Variants in STK33 observed in about 807,000 individuals in gnomAD.
STK33 encodes serine/threonine-protein kinase 33.
In STK33, 52 loss-of-function variants were observed where a neutral mutation model predicts 58.0. That is an observed-to-expected ratio of 0.90 (90% CI 0.72 to 1.13). The LOEUF (loss-of-function observed/expected upper bound fraction) is 1.13, where lower values mean the gene tolerates loss of function less well. Among genes scored for constraint, STK33 ranks in the 50% most tolerant of loss-of-function variants. The pLI, the probability that STK33 is intolerant of heterozygous loss-of-function variation, is 0.00. For missense variants in STK33, 630 were observed against 604.2 expected (o/e 1.04, Z -0.45); for synonymous variants, 215 against 200.1 (o/e 1.07, Z -0.63).
In STK33 at chr11:8,464,770, A is replaced by G. The variant is rs773972171; in HGVS notation, c.392T>C (p.Ile131Thr). ...TTCTGTTTCCTTGTCTGTCGCTTCA[A>G]TGACTATTCCAAAGCTCCCTTTTCC... ...ILGKGSFGIV[I>T]EATDKETETK... Residue 131 changes from isoleucine (I) to threonine (T), a missense_variant, in exon 7 of 16, where the codon ATT becomes ACT. Physicochemically the swap from Ile to Thr is moderately conservative, Grantham distance 89. Transcript: ENST00000687296. 4.3e-6 allele frequency: 7 copies of G among 1,613,652 alleles called. No individual in the cohort carries two copies. In the South Asian group the frequency reaches 5.5e-5, roughly 13 times the overall value.
intron 15 of STK33, among the ~76,000 whole-genome samples, chr11:8,404,826 G>A (rs901233350): frequency 1.3e-5 from 2 of 152,194 alleles, no homozygotes; most frequent in Non-Finnish European, 2.9e-5. Flanking sequence ...TGGATAAATG[G>A]TAAATGAATG....
intron 1 of STK33, among the ~76,000 whole-genome samples, chr11:8,588,594 T>C (rs2032094898): frequency 1.3e-5 from 2 of 152,348 alleles, no homozygotes; most frequent in South Asian, 2.1e-4. Flanking sequence ...AACATAGTGG[T>C]AAATCTTTAT....
chr11:8,484,193 T>C (rs931156526), intron 1 of STK33, among the ~76,000 whole-genome samples: 1 of 152,180 alleles, frequency 6.6e-6, no homozygotes, highest in African/African-American at 2.4e-5. Context: ...CCCCCACATA[T>C]GCAACATGTA....
At chr11:8,585,304 A>G (rs1267386956) in intron 1 of STK33, among the ~76,000 whole-genome samples, 3 of 145,288 alleles carry the variant, frequency 2.1e-5, no homozygotes, top group African/African-American at 7.8e-5. Context: ...GGCTCACTAC[A>G]ACCTCTGCCT....
At chr11:8,501,369 G>T (rs1951502231) in intron 1 of STK33, among the ~76,000 whole-genome samples, 1 of 151,998 alleles carries the variant, frequency 6.6e-6, no homozygotes, top group Non-Finnish European at 1.5e-5. Context: ...ATTTTAAAAT[G>T]GGCAAAGAAT....
At chr11:8,498,306 G>C (rs1403448201) in intron 1 of STK33, among the ~76,000 whole-genome samples, 1 of 152,092 alleles carries the variant, frequency 6.6e-6, no homozygotes, top group Non-Finnish European at 1.5e-5. Context: ...CAGACAAACA[G>C]AGAGCCAAAT....
In STK33 at chr11:8,456,987, A is replaced by C. The variant is rs181050526; in HGVS notation, c.697+354T>G. Among the ~76,000 whole-genome samples the C allele has an allele frequency of 1.6e-3, 244 of 152,298 alleles. 1 individual carries two copies. The highest frequency in any genetic ancestry group is 5.7e-3 in the African/African-American group (235 of 41,562). On this transcript the variant is annotated intron_variant, in intron 9 of 15. Transcript: ENST00000687296. Reference sequence around the variant, plus strand: ...TGCTGTGAATCTAAAACTGCTCTAAAATAAAGTCTACAAAGACAAAAAAAT... The same window carrying C: ...TGCTGTGAATCTAAAACTGCTCTAACATAAAGTCTACAAAGACAAAAAAAT...
intron 1 of STK33, among the ~76,000 whole-genome samples, chr11:8,532,321 T>G (rs913428224): frequency 6.6e-6 from 1 of 152,244 alleles, no homozygotes; most frequent in African/African-American, 2.4e-5. Context: ...AAATAAAGTT[T>G]TATTGGAATA....
intron 1 of STK33, chr11:8,555,062 A>G (rs1023769166): frequency 6.6e-6 from 1 of 152,124 alleles, no homozygotes; most frequent in Non-Finnish European, 1.5e-5. Flanking sequence ...CTCTTCAGCC[A>G]GGGTTGGAGG....
intron 1 of STK33, among the ~76,000 whole-genome samples, chr11:8,555,318 T>C (rs1014041596): frequency 4.6e-5 from 7 of 152,108 alleles, no homozygotes; most frequent in Non-Finnish European, 7.4e-5. Flanking sequence ...TTGAGATCTA[T>C]TGCACAGCAG....
intron 11 of STK33, among the ~76,000 whole-genome samples, chr11:8,451,712 AT>A (rs964517802): frequency 3.9e-5 from 6 of 152,224 alleles, no homozygotes; most frequent in Non-Finnish European, 8.8e-5. Flanking sequence ...ATGAAAAATC[AT>A]TGTATTTTTA....
chr11:8,585,031 T>G (rs2031251143), intron 1 of STK33, among the ~76,000 whole-genome samples: 1 of 150,974 alleles, frequency 6.6e-6, no homozygotes. Flanking sequence ...CAAGTAATTC[T>G]CCTGCCTCAG....
At chr11:8,341,579 C>T in the STK33 span, among the ~76,000 whole-genome samples, 1 of 152,330 alleles carries the variant, frequency 6.6e-6, no homozygotes, top group South Asian at 2.1e-4. Flanking sequence ...TACCTAGAAA[C>T]AAGCCTAGGG....
At chr11:8,367,271 G>A in the STK33 span, among the ~76,000 whole-genome samples, 1 of 152,188 alleles carries the variant, frequency 6.6e-6, no homozygotes, top group Non-Finnish European at 1.5e-5. Context: ...CAAATGCTGA[G>A]GACAAAGTAT....
At chr11:8,377,565 C>A in the STK33 span, among the ~76,000 whole-genome samples, 4 of 152,114 alleles carry the variant, frequency 2.6e-5, no homozygotes, top group African/African-American at 9.7e-5. Flanking sequence ...TGGTACAGGA[C>A]AAAGATGCCC....
At chr11:8,415,933 T>C (rs564160765) in intron 14 of STK33, among the ~76,000 whole-genome samples, 107 of 152,280 alleles carry the variant, frequency 7.0e-4, no homozygotes, top group African/African-American at 1.5e-3. Context: ...GAACTATAAC[T>C]GCATAAAGTT....
At chr11:8,484,444 C>T (rs934389595) in intron 1 of STK33, among the ~76,000 whole-genome samples, 1 of 152,192 alleles carries the variant, frequency 6.6e-6, no homozygotes, top group South Asian at 2.1e-4. Context: ...AATTAGCTCA[C>T]AGCTAGCTTA....
chr11:8,505,298 T>C (rs1951790257), intron 1 of STK33, among the ~76,000 whole-genome samples: 3 of 152,224 alleles, frequency 2.0e-5, no homozygotes, highest in African/African-American at 7.2e-5. Context: ...TAAAAATTGA[T>C]ATTTTTCATA....
In STK33 at chr11:8,560,449, T is replaced by A. The variant is rs192533186; in HGVS notation, c.-466+33634A>T. Reference sequence around the variant, plus strand: ...TTGACTTATCAGTGATCCCTAAATATTAATGATATCAATCCTCCTTCTGTC... The same window carrying A: ...TTGACTTATCAGTGATCCCTAAATAATAATGATATCAATCCTCCTTCTGTC... On this transcript the variant is annotated intron_variant, in intron 1 of 15. Transcript: ENST00000687296. Among the ~76,000 whole-genome samples, 504 of 151,116 alleles carry A rather than the reference T, an allele frequency of 3.3e-3. 4 individuals are homozygous for A. The highest frequency in any genetic ancestry group is 3.8e-3 in the Non-Finnish European group (256 of 67,960).
Sources: gnomAD v4.1 joint callset for allele counts (sites outside exome capture counted in the v4.1 genomes callset) on GRCh38, gnomAD v4.1.1 for gene constraint, MANE v1.5 for transcripts, NCBI Gene and HGNC (gene_info 2026-07-23, HGNC 2026-07-21) for gene names.